ROS1: variants seen among roughly 807,000 people sequenced by gnomAD.
ROS1 encodes the protein ROS proto-oncogene 1, receptor tyrosine kinase.
Under a neutral mutation model 273.5 loss-of-function variants are expected in ROS1, and 263 were observed. The observed-to-expected ratio is 0.96, with a 90% CI of 0.87 to 1.06. The LOEUF is 1.06. ROS1 is among the 50% of genes least tolerant of loss of function. The probability of loss-of-function intolerance (pLI) is 0.00; values close to 1 mark genes in which losing one functional copy is unlikely to be tolerated. For missense variants in ROS1, 2,833 were observed against 2,751.1 expected (o/e 1.03, Z -0.67); for synonymous variants, 1,008 against 954.1 (o/e 1.06, Z -1.04).
chr6:117,411,787 G>A (rs1293576790), intron 4 of ROS1, among the ~76,000 whole-genome samples: 1 of 152,120 alleles, frequency 6.6e-6, no homozygotes, highest in Non-Finnish European at 1.5e-5. Context: ...ATGGTTTTGG[G>A]ATCTAAGAAT....
chr6:117,329,075 T>C (rs1226534963), intron 33 of ROS1, among the ~76,000 whole-genome samples: 1 of 152,232 alleles, frequency 6.6e-6, no homozygotes, highest in African/African-American at 2.4e-5. Context: ...CATGAGCCTA[T>C]GATCAAACAA....
chr6:117,319,004 G>T (rs918261251), intron 37 of ROS1, among the ~76,000 whole-genome samples: 1 of 152,102 alleles, frequency 6.6e-6, no homozygotes, highest in Non-Finnish European at 1.5e-5. Flanking sequence ...CAAGGTGGGA[G>T]TAAATTAAAG....
At chr6:117,310,378 CT>C in intron 40 of ROS1, 97 bp from the exon 41 acceptor site, 1 of 849,146 alleles carries the variant, frequency 1.2e-6, no homozygotes, top group Non-Finnish European at 1.7e-6. Flanking sequence ...AGAAGAGAAA[CT>C]ATTTTTTTTT....
intron 4 of ROS1, among the ~76,000 whole-genome samples, chr6:117,413,929 C>A (rs1015943929): frequency 5.9e-5 from 9 of 151,746 alleles, no homozygotes; most frequent in African/African-American, 2.2e-4. Context: ...TGCAGTCAGC[C>A]GAGATTGCAC....
chr6:117,420,201 A>T (rs1412698736), intron 1 of ROS1, among the ~76,000 whole-genome samples: 1 of 151,838 alleles, frequency 6.6e-6, no homozygotes, highest in Non-Finnish European at 1.5e-5. Flanking sequence ...TCTTAACCGG[A>T]TGCCTTCCAT....
At chr6:117,334,948 A>C (rs900995415) in intron 32 of ROS1, among the ~76,000 whole-genome samples, 1 of 152,238 alleles carries the variant, frequency 6.6e-6, no homozygotes, top group Non-Finnish European at 1.5e-5. Flanking sequence ...CTTCATGACT[A>C]AAACACCAAA....
intron 39 of ROS1, among the ~76,000 whole-genome samples, chr6:117,311,937 T>G (rs1775579845): frequency 6.6e-6 from 1 of 152,110 alleles, no homozygotes; most frequent in Admixed American, 6.6e-5. Context: ...TTTGATGCAT[T>G]CAAAAATTTC....
intron 2 of ROS1, 147 bp from the exon 3 acceptor site, chr6:117,416,464 C>T: frequency 3.1e-6 from 2 of 635,512 alleles, no homozygotes; most frequent in South Asian, 3.9e-5. Context: ...TCCAAAAGAT[C>T]CAGGATTTTG....
intron 1 of ROS1, among the ~76,000 whole-genome samples, chr6:117,421,180 A>T (rs1199786993): frequency 1.3e-5 from 2 of 148,264 alleles, no homozygotes; most frequent in East Asian, 3.9e-4. Flanking sequence ...ATTATATATT[A>T]TATTGGAATA....
intron 4 of ROS1, 23 bp from the exon 5 acceptor site, chr6:117,409,665 C>G (rs773190331): frequency 7.2e-5 from 116 of 1,605,446 alleles, no homozygotes; most frequent in Non-Finnish European, 9.2e-5. Flanking sequence ...GGGAGCATGA[C>G]AGTCAGGGCA....
intron 16 of ROS1, among the ~76,000 whole-genome samples, chr6:117,384,661 G>C (rs954463762): frequency 2.0e-5 from 3 of 152,096 alleles, no homozygotes; most frequent in Non-Finnish European, 4.4e-5. Context: ...TCACTCCACA[G>C]GTGTGCTGGA....
At chr6:117,380,647 A>G (rs181247321) in intron 17 of ROS1, among the ~76,000 whole-genome samples, 50 of 152,238 alleles carry the variant, frequency 3.3e-4, no homozygotes, top group Non-Finnish European at 5.2e-4. Context: ...ACAACAAACT[A>G]TTCAAACTCT....
At chr6:117,370,127 G>T (rs757463121) in intron 18 of ROS1, among the ~76,000 whole-genome samples, 3 of 152,100 alleles carry the variant, frequency 2.0e-5, no homozygotes, top group Non-Finnish European at 2.9e-5. Context: ...GGGTCTCCAT[G>T]ACTTGGAGTT....
chr6:117,401,898 T>G (rs1299352392), intron 7 of ROS1, among the ~76,000 whole-genome samples: 2 of 148,804 alleles, frequency 1.3e-5, no homozygotes, highest in South Asian at 4.3e-4. Context: ...ATAAAAAGAC[T>G]AAAATTACAT....
At chr6:117,395,051 T>A (rs768378377) in intron 9 of ROS1, among the ~76,000 whole-genome samples, 1 of 152,138 alleles carries the variant, frequency 6.6e-6, no homozygotes, top group African/African-American at 2.4e-5. Flanking sequence ...TTTTCAGCCA[T>A]GAGAATTGGC....
At chr6:117,289,840 G>A (rs1018565799) in intron 43 of ROS1, among the ~76,000 whole-genome samples, 1 of 152,102 alleles carries the variant, frequency 6.6e-6, no homozygotes, top group African/African-American at 2.4e-5. Flanking sequence ...CAACACCTGT[G>A]GAAGGTATTC....
rs779854799 is a variant in ROS1, at chr6:117,356,629, C to G, written c.4126G>C (p.Gly1376Arg). ...CTGTGCACATACATCAGCATCTTAC[C>G]GAGCATAGCAGGTACTGTGATAACT... is the stretch of plus-strand genomic sequence containing the variant. ...WRVITVPAML[G>R]KTLVSLTVDG... The change falls in exon 26 of 44, where the codon GGA (glycine) becomes CGA (arginine). Residue 1376 changes from glycine (G) to arginine (R), a missense_variant and splice_region_variant. Gly to Arg is a moderately radical substitution (Grantham distance 125, BLOSUM62 -2). Coordinates refer to ENST00000368507, the MANE Select transcript of ROS1 (RefSeq NM_001378902.1). 5 of 1,607,370 alleles carry G rather than the reference C, an allele frequency of 3.1e-6. No homozygotes were observed. The highest frequency in any genetic ancestry group is 4.3e-6 in the Non-Finnish European group (5 of 1,175,222).
chr6:117,355,443 T>G (rs960709743), intron 26 of ROS1, among the ~76,000 whole-genome samples: 1 of 152,190 alleles, frequency 6.6e-6, no homozygotes, highest in Non-Finnish European at 1.5e-5. Flanking sequence ...ATATTTGCAA[T>G]TTCAAAACTT....
Position 117,342,401 on chromosome 6 carries a change from T to C in ROS1, c.4650A>G (p.Gly1550=). ...ACCCACAACAAGCCCATAACTTACC[T>C]CCATTTTTAGTTTTTCCCCAAATCT... The part of the protein sequence containing the change: ...GKEIWGKTKN[G]VPEAVQLINT... Residue 1550 remains glycine, a splice_region_variant and synonymous_variant, in exon 29 of 44, where the codon GGA becomes GGG. Coordinates refer to ENST00000368507, the MANE Select transcript of ROS1 (RefSeq NM_001378902.1). 6.2e-7 allele frequency: 1 copy of C among 1,611,980 alleles called. No individual in the cohort carries two copies. The highest frequency in any genetic ancestry group is 1.3e-5 in the African/African-American group (1 of 74,924).
Sources: gnomAD v4.1 joint callset for allele counts (sites outside exome capture counted in the v4.1 genomes callset) on GRCh38, gnomAD v4.1.1 for gene constraint, MANE v1.5 for transcripts, NCBI Gene and HGNC (gene_info 2026-07-23, HGNC 2026-07-21) for gene names.